The following SENP5 variants were observed in gnomAD, a reference collection of about 807,000 sequenced individuals.
SENP5 encodes the protein SUMO specific peptidase 5.
Under a neutral mutation model 74.2 loss-of-function variants are expected in SENP5, and 21 were observed. The observed-to-expected ratio is 0.28, with a 90% CI of 0.20 to 0.41. The LOEUF is 0.41. Ranked by LOEUF, SENP5 falls within the 10% of genes least tolerant of loss-of-function variation. The probability of loss-of-function intolerance (pLI) is 1.00; values close to 1 mark genes in which losing one functional copy is unlikely to be tolerated. For synonymous variants in SENP5, 311 were observed against 312.7 expected, an observed-to-expected ratio of 0.99 and a Z score of 0.06; for missense variants, 717 against 889.1, an observed-to-expected ratio of 0.81 and a Z score of 2.46.
At chr3:196,888,598 GA>G (rs1010784141) in intron 2 of SENP5, among the ~76,000 whole-genome samples, 5 of 150,092 alleles carry the variant, frequency 3.3e-5, no homozygotes, top group South Asian at 2.1e-4. Context: ...AAAAAAGAAA[GA>G]AAAAAAGTGA....
In SENP5 at chr3:196,885,504, C is replaced by A; in HGVS notation, c.323C>A (p.Ser108Ter). 6.2e-7 allele frequency: 1 copy of A among 1,614,120 alleles called. No individual in the cohort carries two copies. Among genetic ancestry groups the A allele is most frequent in the Non-Finnish European group, 8.5e-7 (1 of 1,180,030 alleles). ...RKDAKHFISS[S>*]KTLLRLQAEK... ...GACGCTAAACACTTCATTTCCTCCTCAAAGACTCTCCTGAGACTCCAAGCA... is the reference window on the plus strand; with the variant it reads ...GACGCTAAACACTTCATTTCCTCCTAAAAGACTCTCCTGAGACTCCAAGCA... Residue 108 changes from serine (S) to a stop codon, truncating the protein, a stop_gained, in exon 2 of 10, where the codon TCA becomes TAA. Transcript: ENST00000323460. LOFTEE classifies it high-confidence loss of function.
At position 196,924,090 on chromosome 3, in the gene SENP5, G is replaced by T. The variant is rs149241293; in HGVS notation, c.2022+539G>T. ...GGAATATGCCCTAGGAAGAAATGTG[G>T]AAATTCTTTATTATGAAAACTCCTA... On this transcript the variant is annotated intron_variant, in intron 7 of 9. Coordinates refer to ENST00000323460, the MANE Select transcript of SENP5 (RefSeq NM_152699.5). Among the ~76,000 whole-genome samples the T allele has an allele frequency of 3.3e-5, 5 of 152,244 alleles. No individual in the cohort carries two copies. In the East Asian group the frequency reaches 9.6e-4, roughly 29 times the overall value.
In SENP5 at chr3:196,885,635, G is replaced by GC. The variant is rs1378723253; in HGVS notation, c.456dup (p.Asn153GlnfsTer6). The GC allele has an allele frequency of 2.5e-6, 4 of 1,614,048 alleles. No homozygotes were observed. In the East Asian group the frequency reaches 8.9e-5, roughly 36 times the overall value. On this transcript the variant is annotated frameshift_variant, in exon 2 of 10. Coordinates refer to ENST00000323460, the MANE Select transcript of SENP5 (RefSeq NM_152699.5). LOFTEE classifies it high-confidence loss of function. Reference sequence around the variant, plus strand: ...TCCATCAAATAGTGCTTTAGGTCAGGCCAATGGTCACAGACCTAGGACAGA... The same window carrying GC: ...TCCATCAAATAGTGCTTTAGGTCAGGCCCAATGGTCACAGACCTAGGACAGA...
chr3:196,906,903 CA>C (rs2036534008), intron 6 of SENP5, among the ~76,000 whole-genome samples: 1 of 152,104 alleles, frequency 6.6e-6, no homozygotes, highest in South Asian at 2.1e-4. Flanking sequence ...GAGACCATTT[CA>C]GATTCATGGT....
intron 1 of SENP5, among the ~76,000 whole-genome samples, chr3:196,870,787 G>A (rs1291353898): frequency 6.6e-6 from 1 of 151,908 alleles, no homozygotes; most frequent in Non-Finnish European, 1.5e-5. Context: ...CAAAGCGCGG[G>A]GATTACAGGT....
chr3:196,885,164 T>TG lies in SENP5; in HGVS notation c.-18_-17insG. ...TCTTCTTTACAGCTGCATCCAGATC[T>TG]CATTATGCATCAGAAAAATGAAAAA... On this transcript the variant is annotated 5_prime_UTR_variant, in exon 2 of 10. Transcript: ENST00000323460. 2 of 1,586,698 alleles carry TG rather than the reference T, an allele frequency of 1.3e-6. No individual in the cohort carries two copies. The highest frequency in any genetic ancestry group is 1.7e-6 in the Non-Finnish European group (2 of 1,162,566).
At chr3:196,908,938 AAC>A (rs1171657403) in intron 6 of SENP5, among the ~76,000 whole-genome samples, 1 of 152,282 alleles carries the variant, frequency 6.6e-6, no homozygotes, top group Admixed American at 6.5e-5. Context: ...AGGAGATAGA[AAC>A]ACAAAAAAAC....
intron 2 of SENP5, among the ~76,000 whole-genome samples, chr3:196,889,802 G>GA (rs1278200599): frequency 6.6e-6 from 1 of 152,250 alleles, no homozygotes; most frequent in Non-Finnish European, 1.5e-5. Context: ...CAGGCGGGCA[G>GA]AAGGAAGATT....
chr3:196,889,377 C>T (rs956660753), intron 2 of SENP5, among the ~76,000 whole-genome samples: 3 of 151,988 alleles, frequency 2.0e-5, no homozygotes, highest in Admixed American at 6.5e-5. Flanking sequence ...TGAATATGCA[C>T]GTAGTAAAAC....
At chr3:196,881,730 ATTTT>A (rs763320028) in intron 1 of SENP5, among the ~76,000 whole-genome samples, 15 of 150,356 alleles carry the variant, frequency 1.0e-4, no homozygotes, top group Non-Finnish European at 1.8e-4. Flanking sequence ...TTCATTTATT[ATTTT>A]TTTTAACTTC....
In SENP5 at chr3:196,885,740, T is replaced by C. The variant is rs1487734416; in HGVS notation, c.559T>C (p.Leu187=). The change falls in exon 2 of 10, where the codon TTG becomes CTG. Residue 187 remains leucine, a synonymous_variant. Transcript: ENST00000323460. ...PGESGTIVVT[L]NNHKRKGFCY... ...TGAGAGTGGCACGATTGTGGTCACC[T>C]TGAACAACCATAAGAGAAAGGGCTT... The C allele has an allele frequency of 2.5e-6, 4 of 1,614,054 alleles. No homozygotes were observed. Among genetic ancestry groups the C allele is most frequent in the African/African-American group, 1.3e-5 (1 of 74,926 alleles).
At chr3:196,900,470 GT>G in intron 5 of SENP5, 58 bp downstream of exon 5, 7 of 1,387,494 alleles carry the variant, frequency 5.0e-6, no homozygotes, top group South Asian at 1.3e-5. Context: ...AAAATGAGTA[GT>G]TTTTTTGTTT....
chr3:196,902,197 G>T (rs1714728846), intron 5 of SENP5, among the ~76,000 whole-genome samples: 1 of 152,244 alleles, frequency 6.6e-6, no homozygotes, highest in Non-Finnish European at 1.5e-5. Context: ...GCTCACTGTA[G>T]CCTTGAACTC....
chr3:196,886,842 T>TTATG, intron 2 of SENP5, 148 bp downstream of exon 2: 1 of 563,574 alleles, frequency 1.8e-6, no homozygotes, highest in East Asian at 3.1e-5. Context: ...TATTGCTGCA[T>TTATG]TATGTAGATG....
At chr3:196,910,040 A>G (rs1357328816) in intron 6 of SENP5, among the ~76,000 whole-genome samples, 1 of 152,276 alleles carries the variant, frequency 6.6e-6, no homozygotes, top group African/African-American at 2.4e-5. Flanking sequence ...TTGATAAGAA[A>G]CTTTAGCAAA....
At chr3:196,911,610 C>T (rs1269008313) in intron 6 of SENP5, among the ~76,000 whole-genome samples, 1 of 151,234 alleles carries the variant, frequency 6.6e-6, no homozygotes, top group Non-Finnish European at 1.5e-5. Context: ...GAAAAAACCT[C>T]ATCAGTTGGG....
intron 5 of SENP5, among the ~76,000 whole-genome samples, chr3:196,901,920 C>G (rs1441297925): frequency 6.6e-6 from 1 of 152,176 alleles, no homozygotes; most frequent in East Asian, 1.9e-4. Flanking sequence ...GCATCAGTAT[C>G]CCCTGAGAAC....
At chr3:196,871,101 T>C (rs1209025423) in intron 1 of SENP5, among the ~76,000 whole-genome samples, 3 of 151,494 alleles carry the variant, frequency 2.0e-5, no homozygotes, top group Non-Finnish European at 4.4e-5. Flanking sequence ...ACCCATGAGG[T>C]AGAGGTTGCA....
intron 1 of SENP5, among the ~76,000 whole-genome samples, chr3:196,881,120 T>C (rs1381806748): frequency 9.9e-5 from 15 of 151,962 alleles, no homozygotes; most frequent in Admixed American, 9.2e-4. Context: ...CTAATTTTTA[T>C]ATTTCTTTGT....
Sources: gnomAD v4.1 joint callset for allele counts (sites outside exome capture counted in the v4.1 genomes callset) on GRCh38, gnomAD v4.1.1 for gene constraint, MANE v1.5 for transcripts, NCBI Gene and HGNC (gene_info 2026-07-23, HGNC 2026-07-21) for gene names.